Variants in CELA3A observed in about 807,000 individuals in gnomAD.
The protein encoded by CELA3A is chymotrypsin like elastase 3A.
In CELA3A, 35 loss-of-function variants were observed where a neutral mutation model predicts 38.6. That is an observed-to-expected ratio of 0.91 (90% CI 0.69 to 1.20). The LOEUF (loss-of-function observed/expected upper bound fraction) is 1.20, where lower values mean the gene tolerates loss of function less well. CELA3A is among the 50% of genes most tolerant of loss of function. CELA3A has a pLI of 0.00. For synonymous variants in CELA3A, 143 were observed against 136.7 expected, an observed-to-expected ratio of 1.05 and a Z score of -0.32; for missense variants, 343 against 354.2, an observed-to-expected ratio of 0.97 and a Z score of 0.25.
chr1:22,003,081 C>G lies in CELA3A; in HGVS notation c.122C>G (p.Pro41Arg), dbSNP rs751556750. The change falls in exon 2 of 8, where the codon CCC becomes CGC. Residue 41 changes from proline (P) to arginine (R), a missense_variant. Pro to Arg is a moderately radical substitution (Grantham distance 103). Transcript: ENST00000290122. Reference protein sequence around the residue: ...HGEDAVPYSWPWQVSLQYEKS... With the variant: ...HGEDAVPYSWRWQVSLQYEKS... Reference sequence around the variant, plus strand: ...GAGGATGCGGTCCCCTACAGCTGGCCCTGGCAGGTAAGAGCAATAGCAGCT... The same window carrying G: ...GAGGATGCGGTCCCCTACAGCTGGCGCTGGCAGGTAAGAGCAATAGCAGCT... 1 of 1,578,572 alleles carries G rather than the reference C, an allele frequency of 6.3e-7. No homozygotes were observed.
At chr1:22,010,316 AC>A (rs1644976057) in intron 7 of CELA3A, 2 of 325,004 alleles carry the variant, frequency 6.2e-6, no homozygotes, top group African/African-American at 2.3e-5. Context: ...TAGCTAAACA[AC>A]AAAAAAAAAG....
chr1:22,002,542 T>G (rs1382099046), intron 1 of CELA3A: 2 of 455,308 alleles, frequency 4.4e-6, no homozygotes, highest in Admixed American at 4.7e-5. Flanking sequence ...GAGGTCTTGC[T>G]ATGTTGCCCA....
intron 1 of CELA3A, chr1:22,002,490 A>G (rs553179236): frequency 2.2e-6 from 1 of 453,870 alleles, no homozygotes; most frequent in Non-Finnish European, 4.4e-6. Context: ...ATGCCACCAT[A>G]CCTGGCTACT....
chr1:22,006,471 G>A (rs1644950570), intron 4 of CELA3A, among the ~76,000 whole-genome samples: 1 of 151,228 alleles, frequency 6.6e-6, no homozygotes, highest in Non-Finnish European at 1.5e-5. Flanking sequence ...AGGCTGCAGT[G>A]AGCCAAGATC....
rs1246185837 is a variant in CELA3A, at chr1:22,002,755, A to G, written c.44-248A>G. 7.9e-6 allele frequency: 4 copies of G among 505,792 alleles called. No individual in the cohort carries two copies. In the East Asian group the frequency reaches 1.6e-4, roughly 20 times the overall value. 31.3% of individuals were successfully genotyped at this position (505,792 alleles called of 1,614,324 possible). A position where few individuals can be genotyped will look rare whatever the true frequency, so the allele number is the denominator to read the frequency against. ...GGCCAGGCATTGTTCTAAGTGTATC[A>G]AGCTCTTCAATCCTCCCAATGAAGG... On this transcript the variant is annotated intron_variant, in intron 1 of 7. Coordinates refer to ENST00000290122, the MANE Select transcript of CELA3A (RefSeq NM_005747.5).
Position 22,002,064 on chromosome 1 carries a change from A to G in CELA3A, c.43+347A>G, listed in dbSNP as rs150093435. On this transcript the variant is annotated intron_variant, in intron 1 of 7. Coordinates refer to ENST00000290122, the MANE Select transcript of CELA3A (RefSeq NM_005747.5). The stretch of plus-strand genomic sequence containing the variant: ...CTCCAACTCTCCTCTCACTCCCCCT[A>G]CCTGGCTCCATATTCTATGCTCTGG... 5.7e-4 allele frequency among the ~76,000 whole-genome samples: 86 copies of G among 151,078 alleles called. 6 individuals are homozygous for G. The highest frequency in any genetic ancestry group is 2.0e-3 in the African/African-American group (83 of 40,798).
Position 22,006,578 on chromosome 1 carries a change from G to T in CELA3A, c.363-300G>T, listed in dbSNP as rs185630483. ...TTCCTCAGCCTTAAGAACGATTTGGGCCAGGTATAGTGGCTCATGCCTGTA... is the reference window on the plus strand; with the variant it reads ...TTCCTCAGCCTTAAGAACGATTTGGTCCAGGTATAGTGGCTCATGCCTGTA... On this transcript the variant is annotated intron_variant, in intron 4 of 7. Coordinates refer to ENST00000290122, the MANE Select transcript of CELA3A (RefSeq NM_005747.5). Among the ~76,000 whole-genome samples, 76 of 150,572 alleles carry T rather than the reference G, an allele frequency of 5.0e-4. 4 individuals carry two copies. The highest frequency in any genetic ancestry group is 1.6e-3 in the African/African-American group (66 of 40,564).
In CELA3A at chr1:22,006,963, A is replaced by G; in HGVS notation, c.448A>G (p.Ile150Val). ...CGCCTCACTCCCTCCCGCTGGTGAC[A>G]TCCTTCCCAACAAGACACCCTGCTA... ...QLASLPPAGDILPNKTPCYIT... is the reference protein window; with the variant it reads ...QLASLPPAGDVLPNKTPCYIT... The change falls in exon 5 of 8, where the codon ATC becomes GTC. Residue 150 changes from isoleucine (I) to valine (V), a missense_variant. Ile to Val is a conservative substitution (Grantham distance 29). Coordinates refer to ENST00000290122, the MANE Select transcript of CELA3A (RefSeq NM_005747.5). 15 of 1,612,290 alleles carry G rather than the reference A, an allele frequency of 9.3e-6. No individual in the cohort carries two copies. Among genetic ancestry groups the G allele is most frequent in the Non-Finnish European group, 1.3e-5 (15 of 1,179,436 alleles).
chr1:22,009,211 A>G (rs1044065541), intron 6 of CELA3A, among the ~76,000 whole-genome samples: 4 of 151,194 alleles, frequency 2.6e-5, no homozygotes, highest in African/African-American at 7.4e-5. Context: ...GAAAAATACA[A>G]AAATTAGCCG....
chr1:22,011,313 G>A (rs1255462406), intron 7 of CELA3A, among the ~76,000 whole-genome samples: 6 of 147,330 alleles, frequency 4.1e-5, no homozygotes, highest in African/African-American at 7.7e-5. Flanking sequence ...TCTGGGAGGC[G>A]GAGGTTGCAG....
At chr1:22,006,818 A>G (rs1644952554) in intron 4 of CELA3A, 60 bp from the exon 5 acceptor site, 11 of 1,590,726 alleles carry the variant, frequency 6.9e-6, no homozygotes, top group East Asian at 4.5e-5. Flanking sequence ...AGCAACGGCT[A>G]GAAGGTAGGA....
At position 22,007,392 on chromosome 1, in the gene CELA3A, C is replaced by T; in HGVS notation, c.519C>T (p.Asp173=). ...GRLYTNGPLP[D]KLQQARLPVV... is the part of the protein sequence containing the mutation. The stretch of plus-strand genomic sequence containing the variant: ...TTGCAGCCAATGGGCCACTCCCAGA[C>T]AAGCTGCAGCAGGCCCGGCTGCCCG... The change falls in exon 6 of 8, where the codon GAC becomes GAT. Residue 173 remains aspartate (D), a synonymous_variant. Transcript: ENST00000290122. 9 of 1,611,850 alleles carry T rather than the reference C, an allele frequency of 5.6e-6. No individual in the cohort carries two copies. The highest frequency in any genetic ancestry group is 1.3e-5 in the African/African-American group (1 of 74,358).
rs774344081 is a variant in CELA3A, at chr1:22,006,944, A to C, written c.429A>C (p.Ser143=). 1 of 1,611,580 alleles carries C rather than the reference A, an allele frequency of 6.2e-7. No individual in the cohort carries two copies. The highest frequency in any genetic ancestry group is 8.5e-7 in the Non-Finnish European group (1 of 1,179,288). The part of the protein sequence containing the change: ...AQLGDAVQLA[S]LPPAGDILPN... Reference sequence around the variant, plus strand: ...TGGGAGATGCCGTCCAGCTCGCCTCACTCCCTCCCGCTGGTGACATCCTTC... The same window carrying C: ...TGGGAGATGCCGTCCAGCTCGCCTCCCTCCCTCCCGCTGGTGACATCCTTC... Residue 143 remains serine, a synonymous_variant, in exon 5 of 8, where the codon TCA becomes TCC. Coordinates refer to ENST00000290122, the MANE Select transcript of CELA3A (RefSeq NM_005747.5).
chr1:22,008,159 T>TTTTTTTGTTTG (rs1557873908), intron 6 of CELA3A, among the ~76,000 whole-genome samples: 3 of 135,742 alleles, frequency 2.2e-5, no homozygotes, highest in Non-Finnish European at 4.9e-5. Context: ...TCTCTTTTTT[T>TTTTTTTGTTTG]TTTTTTTTTG....
chr1:22,006,305 G>A (rs1390460050), intron 4 of CELA3A, among the ~76,000 whole-genome samples: 1 of 151,444 alleles, frequency 6.6e-6, no homozygotes, highest in East Asian at 1.9e-4. Context: ...ATGAAGTTGG[G>A]CTTCCTGGGT....
At chr1:22,006,311 T>A (rs937922631) in intron 4 of CELA3A, among the ~76,000 whole-genome samples, 12 of 138,884 alleles carry the variant, frequency 8.6e-5, no homozygotes, top group Non-Finnish European at 1.7e-4. Context: ...TTGGGCTTCC[T>A]GGGTGGTGTG....
chr1:22,012,046 CA>C (rs1187404007), intron 7 of CELA3A, among the ~76,000 whole-genome samples: 2 of 120,146 alleles, frequency 1.7e-5, no homozygotes, highest in Non-Finnish European at 1.7e-5. Context: ...GACTCTGTCT[CA>C]AAAAAAACCA....
In CELA3A at chr1:22,009,837, T is replaced by C. The variant is rs150842348; in HGVS notation, c.775T>C (p.Phe259Leu). The change falls in exon 7 of 8, where the codon TTC (phenylalanine) becomes CTC (leucine). Residue 259 changes from phenylalanine (F) to leucine (L), a missense_variant. Transcript: ENST00000290122. ...KPTVFTRVSA[F>L]IDWIEETIAS... The stretch of plus-strand genomic sequence containing the variant: ...CACGGTGTTCACTCGAGTCTCCGCC[T>C]TCATCGACTGGATTGAGGAGGTGAG... 4.3e-6 allele frequency: 7 copies of C among 1,612,442 alleles called. No individual in the cohort carries two copies. In the African/African-American group the frequency reaches 9.4e-5, roughly 22 times the overall value.
chr1:22,007,537 C>A, intron 6 of CELA3A, 22 bp downstream of exon 6: 2 of 1,601,212 alleles, frequency 1.2e-6, no homozygotes, highest in Non-Finnish European at 1.7e-6. Flanking sequence ...CTTACCTGCC[C>A]GAGGTGGTGC....
Sources: gnomAD v4.1 joint callset for allele counts (sites outside exome capture counted in the v4.1 genomes callset) on GRCh38, gnomAD v4.1.1 for gene constraint, MANE v1.5 for transcripts, NCBI Gene and HGNC (gene_info 2026-07-23, HGNC 2026-07-21) for gene names.